The following PARVB variants were observed in gnomAD, a reference collection of about 807,000 sequenced individuals.
PARVB encodes beta-parvin.
In PARVB, 46 loss-of-function variants were observed where a neutral mutation model predicts 47.0. That is an observed-to-expected ratio of 0.98 (90% CI 0.77 to 1.25). The LOEUF is 1.25. Ranked by LOEUF, PARVB falls within the 50% of genes most tolerant of loss-of-function variation. The pLI is 0.00. For missense variants in PARVB, 473 were observed against 471.6 expected, an observed-to-expected ratio of 1.00 and a Z score of -0.03; for synonymous variants, 196 against 196.3, an observed-to-expected ratio of 1.00 and a Z score of 0.01.
In PARVB at chr22:44,024,407, G is replaced by T. The variant is rs911399384; in HGVS notation, c.68G>T (p.Gly23Val). The change falls in exon 1 of 13, where the codon GGC becomes GTC. Residue 23 changes from glycine to valine, a missense_variant. Transcript: ENST00000338758. ...RRMKKDESFL[G>V]KLGGTLARKR... The stretch of plus-strand genomic sequence containing the variant: ...ATGAAGAAGGACGAGTCGTTCCTGG[G>T]CAAGCTGGGCGGCACCCTGGCCAGG... The T allele has an allele frequency of 1.6e-6, 2 of 1,260,698 alleles. No individual in the cohort carries two copies. Among genetic ancestry groups the T allele is most frequent in the Non-Finnish European group, 2.0e-6 (2 of 989,118 alleles). 78.1% of individuals were successfully genotyped at this position (1,260,698 alleles called of 1,614,324 possible). A position where few individuals can be genotyped will look rare whatever the true frequency, so the allele number is the denominator to read the frequency against.
intron 1 of PARVB, among the ~76,000 whole-genome samples, chr22:44,030,373 G>T (rs1241280239): frequency 1.3e-5 from 2 of 152,256 alleles, no homozygotes; most frequent in Non-Finnish European, 2.9e-5. Context: ...AGCCCAGGGA[G>T]GGGGAGGGGG....
intron 6 of PARVB, among the ~76,000 whole-genome samples, chr22:44,134,765 G>A (rs534811865): frequency 6.6e-6 from 1 of 152,344 alleles, no homozygotes; most frequent in Admixed American, 6.5e-5. Context: ...AAGGAAGGAA[G>A]GAAAGGGCCT....
At chr22:44,053,137 G>A (rs2051242849) in intron 1 of PARVB, among the ~76,000 whole-genome samples, 1 of 148,932 alleles carries the variant, frequency 6.7e-6, no homozygotes, top group African/African-American at 2.5e-5. Flanking sequence ...AGGCTGGAGT[G>A]CATTAGTGTG....
At chr22:44,021,759 T>TCACACACACACACA (rs3223605), upstream of PARVB, among the ~76,000 whole-genome samples, 41 of 102,786 alleles carry the variant, frequency 4.0e-4, 1 homozygote, top group Non-Finnish European at 7.0e-4. Context: ...AAGTCTAGAC[T>TCACACACACACACA]CACACACACA....
chr22:44,130,886 A>C (rs2053293370), intron 4 of PARVB, among the ~76,000 whole-genome samples: 1 of 152,032 alleles, frequency 6.6e-6, no homozygotes, highest in Admixed American at 6.5e-5. Context: ...TCATTCTCTA[A>C]GGAAGATTAG....
intron 1 of PARVB, among the ~76,000 whole-genome samples, chr22:44,076,257 T>A (rs764675430): frequency 5.3e-5 from 8 of 152,214 alleles, no homozygotes; most frequent in African/African-American, 9.7e-5. Flanking sequence ...GGCCGCTGAT[T>A]TGGGGGATGC....
At chr22:44,071,073 T>G (rs2051644193) in intron 1 of PARVB, among the ~76,000 whole-genome samples, 1 of 152,092 alleles carries the variant, frequency 6.6e-6, no homozygotes, top group Non-Finnish European at 1.5e-5. Context: ...CAGCGACATT[T>G]CCCAGAGAGC....
chr22:44,155,019 T>C lies in PARVB; in HGVS notation c.844-2963T>C. ...TAGTCTGTGTGGTGTGTGTGTGTGG[T>C]TTTTGTAGTCTGTGTGGTGTGTGTG... is the stretch of plus-strand genomic sequence containing the variant. On this transcript the variant is annotated intron_variant, in intron 10 of 12. Transcript: ENST00000338758. This position sits in a 1 kb window ranked among gnomAD's most constrained non-coding sequence, Gnocchi z 4.8. Among the ~76,000 whole-genome samples the C allele has an allele frequency of 9.2e-6, 1 of 109,284 alleles. No homozygotes were observed. Among genetic ancestry groups the C allele is most frequent in the Admixed American group, 1.0e-4 (1 of 9,738 alleles). The allele number at this position is 109,284 out of a possible 152,430, so 71.7% of individuals were successfully genotyped here. A position where few individuals can be genotyped will look rare whatever the true frequency, so the allele number is the denominator to read the frequency against.
At chr22:44,030,940 G>T (rs147064760) in intron 1 of PARVB, among the ~76,000 whole-genome samples, 1 of 152,240 alleles carries the variant, frequency 6.6e-6, no homozygotes, top group East Asian at 1.9e-4. Context: ...TGGCTGGTCC[G>T]AAGTTGGGGG....
chr22:44,035,837 G>A (rs2050913043), intron 1 of PARVB, among the ~76,000 whole-genome samples: 1 of 151,826 alleles, frequency 6.6e-6, no homozygotes, highest in Admixed American at 6.6e-5. Context: ...TTACTGGAGC[G>A]GTGAACTGCT....
intron 1 of PARVB, among the ~76,000 whole-genome samples, chr22:44,075,962 C>T (rs2051762876): frequency 6.6e-6 from 1 of 152,268 alleles, no homozygotes. Flanking sequence ...TCTCTGACTG[C>T]ACCTGGCCTA....
intron 2 of PARVB, among the ~76,000 whole-genome samples, chr22:44,001,881 CAT>C (rs1235901259): frequency 2.5e-4 from 38 of 152,352 alleles, no homozygotes; most frequent in African/African-American, 9.1e-4. Context: ...TTCCTTGAGA[CAT>C]ATGAGCCCCT....
At chr22:44,073,075 T>G (rs1231754324) in intron 1 of PARVB, among the ~76,000 whole-genome samples, 2 of 152,186 alleles carry the variant, frequency 1.3e-5, no homozygotes, top group African/African-American at 2.4e-5. Context: ...CTGACCATAG[T>G]GGATGTCACT....
chr22:44,065,658 T>C (rs746294920), intron 1 of PARVB, among the ~76,000 whole-genome samples: 1 of 152,196 alleles, frequency 6.6e-6, no homozygotes, highest in African/African-American at 2.4e-5. Flanking sequence ...CCAAAGTCCA[T>C]TGTATCATTC....
At chr22:44,040,528 ACC>A (rs2050999719) in intron 1 of PARVB, among the ~76,000 whole-genome samples, 1 of 152,110 alleles carries the variant, frequency 6.6e-6, no homozygotes, top group Non-Finnish European at 1.5e-5. Flanking sequence ...GAGAGAAGTG[ACC>A]ATGGAGGTGG....
rs567148474 is a variant in PARVB at position 44,005,692 on chromosome 22, A to G, written c.211+6019A>G. 6.2e-4 allele frequency among the ~76,000 whole-genome samples: 95 copies of G among 152,222 alleles called. 2 individuals carry two copies. Among genetic ancestry groups the G allele is most frequent in the Admixed American group, 5.0e-3 (76 of 15,282 alleles). On this transcript the variant is annotated intron_variant, in intron 2 of 13. Transcript: ENST00000406477. Reference sequence around the variant, plus strand: ...CTCAACCCTCCCACCTTTCCACTGCATGGCAGATGAAAAATGGGAAGTTCC... The same window carrying G: ...CTCAACCCTCCCACCTTTCCACTGCGTGGCAGATGAAAAATGGGAAGTTCC...
intron 1 of PARVB, among the ~76,000 whole-genome samples, chr22:44,037,048 C>CAA (rs927688193): frequency 6.9e-6 from 1 of 145,726 alleles, no homozygotes; most frequent in Non-Finnish European, 1.5e-5. Flanking sequence ...AGATTAAAAA[C>CAA]AAAAAAAAAA....
At chr22:44,146,051 A>G (rs955263199) in intron 8 of PARVB, 1 of 152,224 alleles carries the variant, frequency 6.6e-6, no homozygotes, top group Non-Finnish European at 1.5e-5. Context: ...TAGGTGAAGA[A>G]AACTTCCCTC....
intron 2 of PARVB, among the ~76,000 whole-genome samples, chr22:44,018,841 G>A (rs2050613106): frequency 6.6e-6 from 1 of 152,206 alleles, no homozygotes; most frequent in South Asian, 2.1e-4. Context: ...GGTTATGGTT[G>A]ACTCGTGCGC....
Sources: gnomAD v4.1 joint callset for allele counts (sites outside exome capture counted in the v4.1 genomes callset) on GRCh38, gnomAD v4.1.1 for gene constraint, Gnocchi (gnomAD v3.1) non-coding constraint, MANE v1.5 for transcripts, NCBI Gene and HGNC (gene_info 2026-07-23, HGNC 2026-07-21) for gene names.